NR2C2: variants seen among roughly 807,000 people sequenced by gnomAD.
NR2C2 encodes the protein nuclear receptor subfamily 2 group C member 2, also known as Nuclear hormone receptor TR4.
A neutral mutation model predicts 62.9 loss-of-function variants in NR2C2; 6 were observed. The ratio of observed to expected loss-of-function variants is 0.10; its 90% CI spans 0.05 to 0.19. The LOEUF is 0.19. Among genes scored for constraint, NR2C2 ranks in the 10% least tolerant of loss-of-function variants. The pLI, the probability that NR2C2 is intolerant of heterozygous loss-of-function variation, is 1.00. For synonymous variants in NR2C2, 272 were observed against 273.8 expected (o/e 0.99, Z 0.07); for missense variants, 479 against 762.7 (o/e 0.63, Z 4.38).
At chr3:15,024,818 A>C (rs1269221346) in intron 7 of NR2C2, among the ~76,000 whole-genome samples, 1 of 152,212 alleles carries the variant, frequency 6.6e-6, no homozygotes, top group Non-Finnish European at 1.5e-5. Context: ...TAGTAGCAGC[A>C]AGCCACAACT....
intron 1 of NR2C2, among the ~76,000 whole-genome samples, chr3:14,986,433 A>C (rs971471231): frequency 9.2e-5 from 14 of 152,304 alleles, no homozygotes. Context: ...AATAAGTGAG[A>C]CTAGACTTAC....
intron 1 of NR2C2, among the ~76,000 whole-genome samples, chr3:14,988,460 A>G (rs946856060): frequency 6.6e-6 from 1 of 152,258 alleles, no homozygotes; most frequent in Non-Finnish European, 1.5e-5. Flanking sequence ...AGGATAATTT[A>G]TATAACGTGG....
intron 1 of NR2C2, among the ~76,000 whole-genome samples, chr3:14,953,182 A>AT (rs1436705688): frequency 1.1e-4 from 17 of 152,176 alleles, no homozygotes; most frequent in African/African-American, 3.4e-4. Context: ...GGCAAGTGTG[A>AT]TTTTTTAGGG....
At chr3:14,959,934 C>T (rs1559528228) in intron 1 of NR2C2, among the ~76,000 whole-genome samples, 1 of 152,126 alleles carries the variant, frequency 6.6e-6, no homozygotes, top group African/African-American at 2.4e-5. Flanking sequence ...GATAGATTTT[C>T]CCCATATAGA....
Position 15,033,623 on chromosome 3 carries a change from G to A in NR2C2, c.1233-1047G>A, listed in dbSNP as rs112095076. Reference sequence around the variant, plus strand: ...CCTACCCCTTGCTACTATCTGGTAGGTGGTGTAACCTCAGGCTTTTTTTTT... The same window carrying A: ...CCTACCCCTTGCTACTATCTGGTAGATGGTGTAACCTCAGGCTTTTTTTTT... On this transcript the variant is annotated intron_variant, in intron 10 of 13. Coordinates refer to ENST00000425241, the MANE Select transcript of NR2C2 (RefSeq NM_001291694.2). 4.1e-3 allele frequency among the ~76,000 whole-genome samples: 617 copies of A among 148,924 alleles called. 4 individuals carry two copies. The highest frequency in any genetic ancestry group is 6.8e-3 in the Non-Finnish European group (459 of 67,300).
intron 1 of NR2C2, among the ~76,000 whole-genome samples, chr3:14,984,878 T>A (rs751706130): frequency 1.3e-5 from 2 of 152,124 alleles, no homozygotes; most frequent in African/African-American, 2.4e-5. Flanking sequence ...AAAGTCATTG[T>A]ATGAGTTCAT....
At position 15,016,209 on chromosome 3, in the gene NR2C2, C is replaced by A. The variant is rs759145453; in HGVS notation, c.331C>A (p.Pro111Thr). 1 of 1,613,924 alleles carries A rather than the reference C, an allele frequency of 6.2e-7. No homozygotes were observed. Among genetic ancestry groups the A allele is most frequent in the Non-Finnish European group, 8.5e-7 (1 of 1,179,948 alleles). ...ACTGGGGAAGACGGACGTCCAGCGG[C>A]CCCAGGTGGTAGAGTACTGTGTGGT... is the stretch of plus-strand genomic sequence containing the variant. ...RLLGKTDVQR[P>T]QVVEYCVVCG... Residue 111 changes from proline to threonine, a missense_variant, in exon 4 of 14, where the codon CCC becomes ACC. Physicochemically the swap from Pro to Thr is conservative, Grantham distance 38. This residue lies in a region of NR2C2 where 115 missense variants were observed against 152.3 expected (regional missense o/e 0.76). Coordinates refer to ENST00000425241, the MANE Select transcript of NR2C2 (RefSeq NM_001291694.2).
chr3:15,032,640 T>A (rs2125065951), intron 10 of NR2C2, 140 bp downstream of exon 10: 1 of 967,776 alleles, frequency 1.0e-6, no homozygotes. Flanking sequence ...TTTTATTAAA[T>A]ATAGTTAGTG....
chr3:14,952,062 C>A (rs1360223270), intron 1 of NR2C2, among the ~76,000 whole-genome samples: 1 of 152,200 alleles, frequency 6.6e-6, no homozygotes, highest in South Asian at 2.1e-4. Flanking sequence ...AAGTTTTTAG[C>A]ATCTGTCTCC....
At chr3:14,977,465 CTA>C (rs1375197112) in intron 1 of NR2C2, among the ~76,000 whole-genome samples, 1 of 152,124 alleles carries the variant, frequency 6.6e-6, no homozygotes, top group Non-Finnish European at 1.5e-5. Flanking sequence ...CTTTCTCCCT[CTA>C]TTTTTATAGC....
intron 13 of NR2C2, among the ~76,000 whole-genome samples, chr3:15,039,431 G>GT (rs1559311950): frequency 6.6e-6 from 1 of 152,214 alleles, no homozygotes; most frequent in African/African-American, 2.4e-5. Flanking sequence ...TAGAGGTGGT[G>GT]TAGAGTGTAG....
intron 1 of NR2C2, among the ~76,000 whole-genome samples, chr3:14,978,821 T>C (rs1353084333): frequency 6.6e-6 from 1 of 152,218 alleles, no homozygotes; most frequent in Non-Finnish European, 1.5e-5. Context: ...TTTGGTTCAC[T>C]CTTTGGTTCA....
rs1449118106 is a variant in NR2C2, at chr3:15,049,114, G to A, written c.*6106G>A. The A allele has an allele frequency of 1.3e-5, 2 of 152,598 alleles. No homozygotes were observed. Among genetic ancestry groups the A allele is most frequent in the African/African-American group, 2.4e-5 (1 of 41,442 alleles). The allele number at this position is 152,598 out of a possible 1,614,324, so 9.5% of individuals were successfully genotyped here. ...ATATCTAATCAATGTCTTCAGTCTT[G>A]AAGAAGAATTTGCATTGTTGTGTTT... On this transcript the variant is annotated 3_prime_UTR_variant, in exon 14 of 14. Coordinates refer to ENST00000425241, the MANE Select transcript of NR2C2 (RefSeq NM_001291694.2).
chr3:15,013,826 T>G, intron 3 of NR2C2, 37 bp downstream of exon 3: 1 of 1,604,058 alleles, frequency 6.2e-7, no homozygotes. Flanking sequence ...TCAGCACTTC[T>G]GCTATTGAAC....
Position 15,048,298 on chromosome 3 carries a change from T to A in NR2C2, c.*5290T>A, listed in dbSNP as rs968489101. On this transcript the variant is annotated 3_prime_UTR_variant, in exon 14 of 14. Transcript: ENST00000425241. The stretch of plus-strand genomic sequence containing the variant: ...TCATAGCCTGTCGTGACAATCACGC[T>A]ATTGAAAGTGGCTTTCTAGTTAAAA... The A allele has an allele frequency of 6.6e-6, 1 of 152,666 alleles. No homozygotes were observed. The highest frequency in any genetic ancestry group is 2.4e-5 in the African/African-American group (1 of 41,458). 9.5% of individuals were successfully genotyped at this position (152,666 alleles called of 1,614,324 possible). A position where few individuals can be genotyped will look rare whatever the true frequency, so the allele number is the denominator to read the frequency against.
At chr3:15,032,911 A>G (rs2042015588) in intron 10 of NR2C2, among the ~76,000 whole-genome samples, 1 of 152,174 alleles carries the variant, frequency 6.6e-6, no homozygotes, top group African/African-American at 2.4e-5. Context: ...CACAAGCCAC[A>G]GTGCCAATTG....
At chr3:14,982,679 A>G (rs2125333477) in intron 1 of NR2C2, among the ~76,000 whole-genome samples, 1 of 152,192 alleles carries the variant, frequency 6.6e-6, no homozygotes, top group South Asian at 2.1e-4. Flanking sequence ...GCTCTTACGA[A>G]TTCTAATAAA....
At chr3:14,956,063 C>T (rs2039515356) in intron 1 of NR2C2, among the ~76,000 whole-genome samples, 1 of 152,000 alleles carries the variant, frequency 6.6e-6, no homozygotes, top group Admixed American at 6.6e-5. Flanking sequence ...ATTACCTGAC[C>T]CTAAAGCTAA....
At chr3:15,000,019 C>T (rs2040943750) in intron 1 of NR2C2, among the ~76,000 whole-genome samples, 1 of 152,000 alleles carries the variant, frequency 6.6e-6, no homozygotes. Flanking sequence ...CTTATTTTTG[C>T]CATGAGAACA....
Sources: allele counts gnomAD v4.1 joint callset (sites outside exome capture counted in the v4.1 genomes callset), GRCh38; gene constraint gnomAD v4.1.1; regional missense constraint gnomAD v4.1.1; transcripts MANE v1.5; gene names NCBI Gene and HGNC (gene_info 2026-07-23, HGNC 2026-07-21).